The following CFAP74 variants were observed in gnomAD, a reference collection of about 807,000 sequenced individuals.
CFAP74 encodes the protein cilia and flagella associated protein 74.
CFAP74 carries 124 observed loss-of-function variants against 188.9 expected under a neutral mutation model. The observed-to-expected ratio is 0.66, with a 90% CI of 0.57 to 0.76. The LOEUF (loss-of-function observed/expected upper bound fraction) is 0.76, where lower values mean the gene tolerates loss of function less well. CFAP74 is among the 30% of genes least tolerant of loss of function. The probability of loss-of-function intolerance (pLI) is 0.00; values close to 1 mark genes in which losing one functional copy is unlikely to be tolerated. For synonymous variants in CFAP74, 956 were observed against 916.7 expected (o/e 1.04, Z -0.77); for missense variants, 2,198 against 2,165.2 (o/e 1.02, Z -0.30).
intron 25 of CFAP74, among the ~76,000 whole-genome samples, chr1:1,937,922 G>C (rs1274632995): frequency 6.7e-6 from 1 of 148,400 alleles, no homozygotes; most frequent in Non-Finnish European, 1.5e-5. Context: ...ATACACACAT[G>C]CACACACACA....
At chr1:1,925,738 C>G in intron 33 of CFAP74, 45 bp downstream of exon 33, 1 of 1,585,874 alleles carries the variant, frequency 6.3e-7, no homozygotes, top group Non-Finnish European at 8.6e-7. Flanking sequence ...GTGGAAACCC[C>G]TCCTGGGAGG....
chr1:1,974,088 T>C lies in CFAP74; in HGVS notation c.611A>G (p.Glu204Gly). The change falls in exon 7 of 39, where the codon GAG (glutamate) becomes GGG (glycine). Residue 204 changes from glutamate (E) to glycine (G), a missense_variant. Glu to Gly is a moderately conservative substitution (Grantham distance 98). Coordinates refer to ENST00000682832, the MANE Select transcript of CFAP74 (RefSeq NM_001304360.2). Reference sequence around the variant, plus strand: ...GGCCTCCTGCTCTCTGCAGAGCTGCTCGGCTGCGCGCACCTGGAGCCGCCG... The same window carrying C: ...GGCCTCCTGCTCTCTGCAGAGCTGCCCGGCTGCGCGCACCTGGAGCCGCCG... ...TGRRLQVRAA[E>G]QLCREQEALG... The C allele has an allele frequency of 1.9e-6, 3 of 1,611,950 alleles. No homozygotes were observed. Among genetic ancestry groups the C allele is most frequent in the South Asian group, 1.1e-5 (1 of 90,864 alleles).
chr1:1,985,957 C>T (rs919182727), intron 5 of CFAP74, among the ~76,000 whole-genome samples: 1 of 152,240 alleles, frequency 6.6e-6, no homozygotes, highest in East Asian at 1.9e-4. Flanking sequence ...CGGTTGCCCA[C>T]GAGAGCGGCA....
At chr1:1,967,684 C>A (rs1460724602) in intron 11 of CFAP74, among the ~76,000 whole-genome samples, 2 of 152,174 alleles carry the variant, frequency 1.3e-5, no homozygotes, top group Non-Finnish European at 2.9e-5. Flanking sequence ...TCTTTCCCAG[C>A]AGGGCATCGG....
chr1:1,979,437 G>A (rs550520029), intron 6 of CFAP74, among the ~76,000 whole-genome samples: 5 of 143,106 alleles, frequency 3.5e-5, no homozygotes, highest in African/African-American at 1.0e-4. Flanking sequence ...TGAGCTGGGC[G>A]TGGGAAGGCG....
chr1:1,957,719 G>T (rs984405759), intron 16 of CFAP74, among the ~76,000 whole-genome samples: 4 of 152,094 alleles, frequency 2.6e-5, no homozygotes, highest in African/African-American at 9.7e-5. Context: ...CCAGACTCCT[G>T]CCGGGCTCCC....
In CFAP74 at chr1:1,955,709, C is replaced by A. The variant is rs913046526; in HGVS notation, c.2158G>T (p.Glu720Ter). Residue 720 changes from glutamate to a stop codon, truncating the protein, a stop_gained, in exon 18 of 39, where the codon GAG (glutamate) becomes TAG (stop). Coordinates refer to ENST00000682832, the MANE Select transcript of CFAP74 (RefSeq NM_001304360.2). LOFTEE classifies it high-confidence loss of function. Reference sequence around the variant, plus strand: ...GGCTCACCTGCGGGCTGCTCCTCCTCCTGCTCCTTGTCCAGCTTCTCCAGC... The same window carrying A: ...GGCTCACCTGCGGGCTGCTCCTCCTACTGCTCCTTGTCCAGCTTCTCCAGC... ...KELEKLDKEQ[E>*]EEQPAEPERL... 1.9e-6 allele frequency: 3 copies of A among 1,613,818 alleles called. No homozygotes were observed. The highest frequency in any genetic ancestry group is 1.7e-6 in the Non-Finnish European group (2 of 1,179,886).
At chr1:1,933,691 G>A (rs1652596567) in intron 25 of CFAP74, among the ~76,000 whole-genome samples, 1 of 152,172 alleles carries the variant, frequency 6.6e-6, no homozygotes, top group African/African-American at 2.4e-5. Flanking sequence ...CATTGGTCTT[G>A]CTGGGGGTAA....
At position 1,973,134 on chromosome 1, in the gene CFAP74, C is replaced by A; in HGVS notation, c.675-87G>T. 2 of 954,148 alleles carry A rather than the reference C, an allele frequency of 2.1e-6. No individual in the cohort carries two copies. The highest frequency in any genetic ancestry group is 1.4e-5 in the South Asian group (1 of 69,242). The allele number at this position is 954,148 out of a possible 1,614,324, so 59.1% of individuals were successfully genotyped here. ...CCCTGCACGGCTGGAGCTCGTGTCCCAGAGACGCCGTGGGCCCTTTCGCTC... is the reference window on the plus strand; with the variant it reads ...CCCTGCACGGCTGGAGCTCGTGTCCAAGAGACGCCGTGGGCCCTTTCGCTC... On this transcript the variant is annotated intron_variant, in intron 7 of 38. Transcript: ENST00000682832. This position sits in a 1 kb window ranked among gnomAD's most constrained non-coding sequence, Gnocchi z 6.2.
intron 4 of CFAP74, chr1:1,988,165 G>A (rs1463585681): frequency 2.0e-6 from 1 of 504,992 alleles, no homozygotes; most frequent in South Asian, 1.5e-5. Flanking sequence ...TATCATGTCT[G>A]TGATTTGCTT....
At chr1:1,941,622 G>A (rs1373125761) in intron 22 of CFAP74, among the ~76,000 whole-genome samples, 6 of 152,118 alleles carry the variant, frequency 3.9e-5, no homozygotes, top group East Asian at 3.8e-4. Context: ...GGAAGACAGC[G>A]GGGGAGTGCA....
Position 1,926,725 on chromosome 1 carries a change from C to T in CFAP74, c.3699G>A (p.Pro1233=), listed in dbSNP as rs551334445. ...TCACCACAACAGATGGTGCCACCGTCGGGCACCACAGCTCCAGGTACAGGG... is the reference window on the plus strand; with the variant it reads ...TCACCACAACAGATGGTGCCACCGTTGGGCACCACAGCTCCAGGTACAGGG... ...HNTLYLELWC[P]TVAPSVVVTS... The change falls in exon 30 of 39, where the codon CCG becomes CCA. Residue 1233 remains proline, a synonymous_variant. Coordinates refer to ENST00000682832, the MANE Select transcript of CFAP74 (RefSeq NM_001304360.2). 3.7e-5 allele frequency: 58 copies of T among 1,550,150 alleles called. No individual in the cohort carries two copies. The South Asian group carries it at 4.0e-4, about 11-fold the overall frequency.
intron 14 of CFAP74, 80 bp from the exon 15 acceptor site, chr1:1,960,110 G>C: frequency 7.8e-7 from 1 of 1,276,188 alleles, no homozygotes. Context: ...AGCACAGTCA[G>C]GCTGGGCCTC....
intron 20 of CFAP74, among the ~76,000 whole-genome samples, chr1:1,944,774 T>G (rs1205287628): frequency 6.6e-5 from 10 of 152,028 alleles, no homozygotes; most frequent in African/African-American, 2.4e-4. Context: ...GCCAGGCTAA[T>G]TTTTGTATTT....
At chr1:1,938,788 G>A (rs1653137972) in intron 25 of CFAP74, 67 bp downstream of exon 25, 1 of 1,499,082 alleles carries the variant, frequency 6.7e-7, no homozygotes, top group African/African-American at 1.4e-5. Flanking sequence ...TGGTGGAGCT[G>A]GGAAGGGGGG....
intron 23 of CFAP74, 88 bp downstream of exon 23, chr1:1,940,228 C>G: frequency 9.4e-7 from 1 of 1,067,074 alleles, no homozygotes; most frequent in East Asian, 2.6e-5. Context: ...TTTTGGGGGC[C>G]CTCGCCCGGG....
chr1:1,994,555 A>G (rs1235237991), intron 1 of CFAP74, among the ~76,000 whole-genome samples: 1 of 152,236 alleles, frequency 6.6e-6, no homozygotes, highest in East Asian at 1.9e-4. Context: ...CACTTGAAAG[A>G]ACTGATTAAG....
chr1:1,970,079 C>T (rs1041747967), intron 10 of CFAP74, among the ~76,000 whole-genome samples: 16 of 152,118 alleles, frequency 1.1e-4, no homozygotes, highest in Non-Finnish European at 1.9e-4. Flanking sequence ...CAGTGGGGCC[C>T]GTGGGTGGGG....
Position 1,970,771 on chromosome 1 carries a change from G to A in CFAP74, c.934C>T (p.Leu312=). 6.2e-7 allele frequency: 1 copy of A among 1,614,182 alleles called. No individual in the cohort carries two copies. Among genetic ancestry groups the A allele is most frequent in the Non-Finnish European group, 8.5e-7 (1 of 1,180,004 alleles). Residue 312 remains leucine (L), a synonymous_variant, in exon 10 of 39, where the codon CTG becomes TTG. Coordinates refer to ENST00000682832, the MANE Select transcript of CFAP74 (RefSeq NM_001304360.2). ...TCAGCCTGGACCCTCTGCTCCGCCA[G>A]CTCTGCCTTGGCACGGTCCCATGCT... ...FQAWDRAKAE[L]AEQRVQAEKK...
Sources: gnomAD v4.1 joint callset for allele counts (sites outside exome capture counted in the v4.1 genomes callset) on GRCh38, gnomAD v4.1.1 for gene constraint, Gnocchi (gnomAD v3.1) non-coding constraint, MANE v1.5 for transcripts, NCBI Gene and HGNC (gene_info 2026-07-23, HGNC 2026-07-21) for gene names.